KCNH5: variants seen among roughly 807,000 people sequenced by gnomAD.
KCNH5 encodes potassium voltage-gated channel subfamily H member 5.
Under a neutral mutation model 96.1 loss-of-function variants are expected in KCNH5, and 46 were observed. The observed-to-expected ratio is 0.48, with a 90% CI of 0.38 to 0.61. The LOEUF (loss-of-function observed/expected upper bound fraction) is 0.61. Among genes scored for constraint, KCNH5 ranks in the 20% least tolerant of loss-of-function variants. The pLI, the probability that KCNH5 is intolerant of heterozygous loss-of-function variation, is 0.00. For synonymous variants in KCNH5, 439 were observed against 449.8 expected (o/e 0.98, Z 0.30); for missense variants, 907 against 1,225.8 (o/e 0.74, Z 3.88).
chr14:62,873,133 G>A (rs1165042697), intron 7 of KCNH5, among the ~76,000 whole-genome samples: 4 of 140,450 alleles, frequency 2.8e-5, no homozygotes, highest in Non-Finnish European at 6.1e-5. Flanking sequence ...CTGGGCGACA[G>A]AACGAGACTC....
intron 8 of KCNH5, among the ~76,000 whole-genome samples, chr14:62,809,502 C>G (rs556312713): frequency 6.6e-6 from 1 of 152,124 alleles, no homozygotes; most frequent in Admixed American, 6.6e-5. Context: ...GTCCAGGAGC[C>G]ACAGGTTATC....
intron 7 of KCNH5, among the ~76,000 whole-genome samples, chr14:62,921,088 T>C (rs941796415): frequency 2.1e-4 from 32 of 152,150 alleles, no homozygotes; most frequent in African/African-American, 7.5e-4. Flanking sequence ...ACATTTATTT[T>C]ATTTTTATCC....
chr14:62,956,615 T>G (rs1890109175), intron 6 of KCNH5, among the ~76,000 whole-genome samples: 5 of 135,902 alleles, frequency 3.7e-5, no homozygotes, highest in South Asian at 4.9e-4. Flanking sequence ...ACTCATCCCA[T>G]GATATTTGGT....
chr14:62,743,841 A>G (rs1885323093), intron 10 of KCNH5, among the ~76,000 whole-genome samples: 1 of 152,214 alleles, frequency 6.6e-6, no homozygotes, highest in South Asian at 2.1e-4. Context: ...TTGCTGAATG[A>G]CAAGAAAGCT....
chr14:62,897,904 C>A (rs1047810725), intron 7 of KCNH5, among the ~76,000 whole-genome samples: 1 of 152,016 alleles, frequency 6.6e-6, no homozygotes, highest in African/African-American at 2.4e-5. Flanking sequence ...GGAAATGGAG[C>A]ATGGCAAACC....
intron 2 of KCNH5, among the ~76,000 whole-genome samples, chr14:63,013,398 C>T (rs1891265346): frequency 6.6e-6 from 1 of 152,012 alleles, no homozygotes; most frequent in South Asian, 2.1e-4. Flanking sequence ...TGCTTTGTAG[C>T]TTCTTATTCT....
intron 7 of KCNH5, among the ~76,000 whole-genome samples, chr14:62,854,160 CTTATTTAT>C (rs909671051): frequency 2.0e-5 from 3 of 151,952 alleles, no homozygotes; most frequent in Admixed American, 1.3e-4. Context: ...ACTTACATTA[CTTATTTAT>C]TTATTTATTT....
intron 10 of KCNH5, among the ~76,000 whole-genome samples, chr14:62,748,900 A>G (rs1246345110): frequency 1.3e-5 from 2 of 152,332 alleles, no homozygotes; most frequent in Non-Finnish European, 2.9e-5. Flanking sequence ...ATTCCCAAGT[A>G]AACTAAACAG....
chr14:62,872,237 G>A (rs1314342969), intron 7 of KCNH5, among the ~76,000 whole-genome samples: 2 of 152,208 alleles, frequency 1.3e-5, no homozygotes, highest in African/African-American at 2.4e-5. Context: ...CATGCCCAAT[G>A]CTGGTGGTTT....
intron 6 of KCNH5, among the ~76,000 whole-genome samples, chr14:62,954,182 C>A (rs1007927950): frequency 6.6e-6 from 1 of 152,134 alleles, no homozygotes; most frequent in African/African-American, 2.4e-5. Flanking sequence ...TGGTTAGGAT[C>A]TTACATACAG....
At position 62,781,677 on chromosome 14, in the gene KCNH5, C is replaced by T. The variant is rs10140020; in HGVS notation, c.1823-1753G>A. On this transcript the variant is annotated intron_variant, in intron 9 of 10. Transcript: ENST00000322893. ...AAAGAAGAGAACTATGGCTCTGTTC[C>T]GCCGGGCTCACCGGAGGTCAGAGTT... Among the ~76,000 whole-genome samples, 378 of 152,292 alleles carry T rather than the reference C, an allele frequency of 2.5e-3. 2 individuals carry two copies. Among genetic ancestry groups the T allele is most frequent in the African/African-American group, 8.5e-3 (355 of 41,564 alleles).
chr14:63,023,093 C>G (rs1891459687), intron 1 of KCNH5, among the ~76,000 whole-genome samples: 1 of 151,824 alleles, frequency 6.6e-6, no homozygotes, highest in Non-Finnish European at 1.5e-5. Flanking sequence ...GTCCCAGCTA[C>G]CCGGGAGACT....
intron 10 of KCNH5, among the ~76,000 whole-genome samples, chr14:62,734,879 AC>A (rs1298981686): frequency 6.6e-6 from 1 of 152,160 alleles, no homozygotes; most frequent in Admixed American, 6.6e-5. Flanking sequence ...TTATGCTTTA[AC>A]CTCAATGTCA....
At chr14:62,914,954 C>T (rs1166151036) in intron 7 of KCNH5, among the ~76,000 whole-genome samples, 1 of 152,220 alleles carries the variant, frequency 6.6e-6, no homozygotes, top group African/African-American at 2.4e-5. Flanking sequence ...TTTTACGTTC[C>T]TTGAAGAATG....
At chr14:62,721,665 T>C (rs4902181) in intron 10 of KCNH5, among the ~76,000 whole-genome samples, 65,266 of 151,898 alleles carry the variant, frequency 0.43, 14,462 homozygotes, top group Non-Finnish European at 0.49. Context: ...TTTATTTCCC[T>C]CCTACCTAGT....
At chr14:62,722,891 G>C (rs934608895) in intron 10 of KCNH5, among the ~76,000 whole-genome samples, 1 of 152,124 alleles carries the variant, frequency 6.6e-6, no homozygotes, top group Non-Finnish European at 1.5e-5. Flanking sequence ...ACTGAAACCC[G>C]TTTCCTACTG....
chr14:62,897,939 A>C (rs1339633001), intron 7 of KCNH5, among the ~76,000 whole-genome samples: 1 of 152,100 alleles, frequency 6.6e-6, no homozygotes, highest in Non-Finnish European at 1.5e-5. Flanking sequence ...AGGAAAAAAA[A>C]CTTAAATGTT....
chr14:63,028,298 A>T (rs897389368), intron 1 of KCNH5, among the ~76,000 whole-genome samples: 1 of 152,104 alleles, frequency 6.6e-6, no homozygotes, highest in Admixed American at 6.6e-5. Context: ...ATCACTACCC[A>T]TCTGTTAATA....
At chr14:62,755,970 A>G (rs748088041) in intron 10 of KCNH5, among the ~76,000 whole-genome samples, 5 of 152,126 alleles carry the variant, frequency 3.3e-5, no homozygotes, top group Admixed American at 6.5e-5. Context: ...AACATAATAA[A>G]AACCATATAT....
Sources: gnomAD v4.1 joint callset for allele counts (sites outside exome capture counted in the v4.1 genomes callset) on GRCh38, gnomAD v4.1.1 for gene constraint, MANE v1.5 for transcripts, NCBI Gene and HGNC (gene_info 2026-07-23, HGNC 2026-07-21) for gene names.